Variants in RNF228 observed in about 807,000 individuals in gnomAD.
RNF228 encodes ring finger protein 228.
At chr2:222,316,382 G>T in the RNF228 span, among the ~76,000 whole-genome samples, 1 of 152,164 alleles carries the variant, frequency 6.6e-6, no homozygotes, top group Non-Finnish European at 1.5e-5. Context: ...GTGTCTCTTT[G>T]ACTTCAAAGT....
chr2:222,315,629 C>T, the RNF228 span, among the ~76,000 whole-genome samples: 2 of 152,130 alleles, frequency 1.3e-5, no homozygotes, highest in Admixed American at 6.5e-5. Context: ...CTCCCCACCC[C>T]TAATTTTATA....
chr2:222,319,746 G>T, the RNF228 span, among the ~76,000 whole-genome samples: 1 of 145,946 alleles, frequency 6.9e-6, no homozygotes, highest in African/African-American at 2.5e-5. This position sits in a 1 kb window ranked among gnomAD's most constrained non-coding sequence, Gnocchi z 7.6. Context: ...CGGCGGGCGC[G>T]GCGGGCGCTC....
chr2:222,319,512 G>T, the RNF228 span: 2 of 146,082 alleles, frequency 1.4e-5, no homozygotes, highest in South Asian at 3.6e-4. The surrounding 1 kb of genome is among the most constrained non-coding windows in gnomAD (Gnocchi z 7.6). Context: ...GGGCGGCGGT[G>T]GCGGGGCCGG....
At chr2:222,320,124 G>T in the RNF228 span, among the ~76,000 whole-genome samples, 1 of 152,096 alleles carries the variant, frequency 6.6e-6, no homozygotes, top group African/African-American at 2.4e-5. Context: ...CTGCACCGCC[G>T]CCTGGGCTCC....
chr2:222,314,830 TC>T, the RNF228 span, among the ~76,000 whole-genome samples: 1 of 152,254 alleles, frequency 6.6e-6, no homozygotes, highest in African/African-American at 2.4e-5. Context: ...TAGATCTTTT[TC>T]TCATGTTGGA....
the RNF228 span, among the ~76,000 whole-genome samples, chr2:222,314,297 A>G: frequency 9.8e-5 from 15 of 152,384 alleles, no homozygotes; most frequent in Non-Finnish European, 2.1e-4. Flanking sequence ...ATGCCAATAT[A>G]TATTACAAAG....
the RNF228 span, chr2:222,317,882 A>G: frequency 1.3e-5 from 2 of 152,232 alleles, no homozygotes; most frequent in African/African-American, 2.4e-5. Context: ...TATTGAATCA[A>G]TTACCAACAG....
At chr2:222,319,094 GC>G in the RNF228 span, 1 of 192,080 alleles carries the variant, frequency 5.2e-6, no homozygotes, top group Non-Finnish European at 1.1e-5. This position sits in a 1 kb window ranked among gnomAD's most constrained non-coding sequence, Gnocchi z 7.6. Context: ...CGCCGCCGCT[GC>G]CCCCCGTCGA....
At chr2:222,314,772 G>T in the RNF228 span, among the ~76,000 whole-genome samples, 2 of 152,310 alleles carry the variant, frequency 1.3e-5, no homozygotes, top group East Asian at 3.9e-4. Flanking sequence ...AAACGGCAAA[G>T]ATTGAATACT....
chr2:222,320,017 T>C, the RNF228 span, among the ~76,000 whole-genome samples: 2 of 152,142 alleles, frequency 1.3e-5, no homozygotes, highest in Admixed American at 6.5e-5. Context: ...CCGGGGCTGC[T>C]GCTTGGGCTC....
At chr2:222,318,450 C>G in the RNF228 span, 1 of 152,310 alleles carries the variant, frequency 6.6e-6, no homozygotes, top group African/African-American at 2.4e-5. Flanking sequence ...CGCTCAGGAT[C>G]TCTCCCTTTC....
chr2:222,314,350 T>A, the RNF228 span, among the ~76,000 whole-genome samples: 3 of 152,246 alleles, frequency 2.0e-5, no homozygotes, highest in Admixed American at 2.0e-4. Flanking sequence ...TAGCAGAGGA[T>A]AAATTCAATT....
the RNF228 span, chr2:222,318,758 C>T: frequency 0.017 from 2,447 of 146,632 alleles, 26 homozygotes; most frequent in Non-Finnish European, 0.025. Flanking sequence ...TTTGCACAGT[C>T]CAGGCAAAAG....
At chr2:222,317,623 T>C in the RNF228 span, 1 of 152,232 alleles carries the variant, frequency 6.6e-6, no homozygotes, top group Non-Finnish European at 1.5e-5. Context: ...CAATTCATCT[T>C]TGTAGTTACA....
chr2:222,314,339 C>A, the RNF228 span, among the ~76,000 whole-genome samples: 1 of 152,188 alleles, frequency 6.6e-6, no homozygotes, highest in Non-Finnish European at 1.5e-5. Context: ...AAAGAGATCT[C>A]TAGCAGAGGA....
At chr2:222,319,810 G>A in the RNF228 span, among the ~76,000 whole-genome samples, 2 of 150,344 alleles carry the variant, frequency 1.3e-5, no homozygotes, top group African/African-American at 4.9e-5. The surrounding 1 kb of genome is among the most constrained non-coding windows in gnomAD (Gnocchi z 7.6). Context: ...AGCTGGCTCA[G>A]GCACTCCTGG....
chr2:222,314,329 A>G, the RNF228 span, among the ~76,000 whole-genome samples: 3,208 of 152,314 alleles, frequency 0.021, 107 homozygotes, highest in African/African-American at 0.073. Context: ...TGGAAAATCA[A>G]AAGAGATCTC....
chr2:222,315,683 G>A, the RNF228 span, among the ~76,000 whole-genome samples: 2 of 152,094 alleles, frequency 1.3e-5, no homozygotes, highest in East Asian at 1.9e-4. Context: ...GATTTTTAAC[G>A]GTCTTTCCGA....
the RNF228 span, chr2:222,317,656 T>A: frequency 6.6e-6 from 1 of 152,228 alleles, no homozygotes; most frequent in African/African-American, 2.4e-5. Context: ...TATATATTCT[T>A]TTTCATCTCA....
Sources: gnomAD v4.1 joint callset for allele counts (sites outside exome capture counted in the v4.1 genomes callset) on GRCh38, gnomAD v4.1.1 for gene constraint, Gnocchi (gnomAD v3.1) non-coding constraint, MANE v1.5 for transcripts, NCBI Gene and HGNC (gene_info 2026-07-23, HGNC 2026-07-21) for gene names.